SEPTIN6: variants seen among roughly 807,000 people sequenced by gnomAD.
SEPTIN6 encodes septin 6.
A neutral mutation model predicts 33.6 loss-of-function variants in SEPTIN6; 8 were observed. The ratio of observed to expected loss-of-function variants is 0.24; its 90% confidence interval spans 0.14 to 0.43. SEPTIN6 has a LOEUF of 0.43. Among genes scored for constraint, SEPTIN6 ranks in the 20% least tolerant of loss-of-function variants. SEPTIN6 has a pLI of 1.00. For missense variants in SEPTIN6, 250 were observed against 340.8 expected (o/e 0.73, Z 2.10); for synonymous variants, 131 against 140.0 (o/e 0.94, Z 0.45).
intron 2 of SEPTIN6, among the ~76,000 whole-genome samples, chrX:119,674,761 C>A (rs1356304002): frequency 8.9e-6 from 1 of 112,006 alleles, no homozygotes; most frequent in East Asian, 2.8e-4. Flanking sequence ...TGGTAATGTC[C>A]AAAAGAGCTA....
intron 1 of SEPTIN6, among the ~76,000 whole-genome samples, chrX:119,683,131 T>TCA (rs2054993890): frequency 8.9e-6 from 1 of 112,275 alleles, no homozygotes; most frequent in Non-Finnish European, 1.9e-5. Flanking sequence ...CTCATGCCTG[T>TCA]AGTCCCAGCC....
chrX:119,638,035 G>T (rs1204187064), intron 6 of SEPTIN6, among the ~76,000 whole-genome samples: 3 of 111,801 alleles, frequency 2.7e-5, no homozygotes, highest in Non-Finnish European at 5.6e-5. Flanking sequence ...TATGTAGCTA[G>T]TAAGTTGCAG....
chrX:119,670,835 G>A (rs1291816285), intron 2 of SEPTIN6, among the ~76,000 whole-genome samples: 1 of 108,936 alleles, frequency 9.2e-6, no homozygotes, highest in Non-Finnish European at 1.9e-5. Flanking sequence ...CTACTCAGGA[G>A]GCTGAGGCAG....
intron 8 of SEPTIN6, 65 bp downstream of exon 8, chrX:119,633,295 T>C (rs2053999952): frequency 9.4e-7 from 1 of 1,068,559 alleles, no homozygotes; most frequent in Non-Finnish European, 1.3e-6. Context: ...CGTTCCTATT[T>C]TTCCACAGTC....
intron 1 of SEPTIN6, among the ~76,000 whole-genome samples, chrX:119,684,434 G>A (rs964734415): frequency 2.8e-5 from 3 of 107,968 alleles, no homozygotes; most frequent in Non-Finnish European, 5.7e-5. Flanking sequence ...CAAGGATGCC[G>A]CTGTATTATG....
chrX:119,664,700 G>C (rs1261856749), intron 2 of SEPTIN6, among the ~76,000 whole-genome samples: 1 of 107,894 alleles, frequency 9.3e-6, no homozygotes, highest in East Asian at 2.9e-4. Context: ...ATTTAGCCAG[G>C]CATGGTGGCA....
intron 8 of SEPTIN6, among the ~76,000 whole-genome samples, chrX:119,631,226 G>A (rs2053954297): frequency 2.0e-5 from 2 of 101,006 alleles, no homozygotes; most frequent in South Asian, 9.4e-4. Context: ...TGTCGCCCAA[G>A]CTGGAGTGCA....
chrX:119,618,386 G>A lies in SEPTIN6; in HGVS notation c.*1707C>T. ...GTCAACAAGAAAAGTGCGTGCATAT[G>A]TTTGCTTTTCATTTTTTTCTTTTTG... On this transcript the variant is annotated 3_prime_UTR_variant, in exon 11 of 11. Transcript: ENST00000394610. The A allele has an allele frequency of 1.2e-6, 1 of 830,076 alleles. No individual in the cohort carries two copies. The highest frequency in any genetic ancestry group is 1.5e-6 in the Non-Finnish European group (1 of 687,295). The allele number at this position is 830,076 out of a possible 1,213,427, so 68.4% of individuals were successfully genotyped here. A position where few individuals can be genotyped will look rare whatever the true frequency, so the allele number is the denominator to read the frequency against.
chrX:119,682,051 A>AG, intron 1 of SEPTIN6, among the ~76,000 whole-genome samples: 1 of 111,777 alleles, frequency 8.9e-6, no homozygotes, highest in Middle Eastern at 4.6e-3. Flanking sequence ...AAGAAAGAAA[A>AG]AAAAAAGAAA....
At chrX:119,680,725 G>A (rs1157091998) in intron 1 of SEPTIN6, among the ~76,000 whole-genome samples, 1 of 109,429 alleles carries the variant, frequency 9.1e-6, no homozygotes, top group African/African-American at 3.3e-5. Context: ...GCTCACGCCT[G>A]TAATCCCAGC....
At chrX:119,628,689 G>A (rs917204355) in intron 9 of SEPTIN6, 3 of 111,147 alleles carry the variant, frequency 2.7e-5, no homozygotes, top group African/African-American at 9.8e-5. Flanking sequence ...TGTATTTTTA[G>A]TAGAGATGGG....
chrX:119,686,687 G>A (rs2055061952), intron 1 of SEPTIN6: 1 of 726,191 alleles, frequency 1.4e-6, no homozygotes, highest in Non-Finnish European at 1.9e-6. Context: ...TTTATTCTGC[G>A]CCCCCCACTC....
intron 10 of SEPTIN6, among the ~76,000 whole-genome samples, chrX:119,620,984 C>T (rs771470238): frequency 4.2e-5 from 4 of 96,117 alleles, no homozygotes; most frequent in Non-Finnish European, 8.3e-5. Context: ...AGCACCACCA[C>T]CCACCCCCAG....
intron 4 of SEPTIN6, 22 bp downstream of exon 4, chrX:119,652,831 GC>G: frequency 8.4e-7 from 1 of 1,188,282 alleles, no homozygotes; most frequent in Non-Finnish European, 1.1e-6. Flanking sequence ...AGCCCCCAGC[GC>G]CCCCGCCCCT....
At chrX:119,654,396 T>C (rs1207612018) in intron 3 of SEPTIN6, among the ~76,000 whole-genome samples, 1 of 111,532 alleles carries the variant, frequency 9.0e-6, no homozygotes, top group Admixed American at 9.5e-5. Flanking sequence ...CCCCTGTCTG[T>C]CTGCTGCCTC....
chrX:119,636,959 G>T (rs2054071152), intron 7 of SEPTIN6, 68 bp downstream of exon 7: 1 of 1,130,983 alleles, frequency 8.8e-7, no homozygotes, highest in Non-Finnish European at 1.2e-6. Flanking sequence ...CCAGGGGAAG[G>T]CTTCCACACC....
chrX:119,634,600 T>C (rs988332147), intron 7 of SEPTIN6, among the ~76,000 whole-genome samples: 3 of 111,058 alleles, frequency 2.7e-5, no homozygotes, highest in African/African-American at 9.8e-5. Flanking sequence ...ATTGGATATG[T>C]ACACACTGCA....
intron 1 of SEPTIN6, among the ~76,000 whole-genome samples, chrX:119,688,500 A>G (rs1269248293): frequency 9.0e-6 from 1 of 111,026 alleles, no homozygotes; most frequent in Non-Finnish European, 1.9e-5. Context: ...CGAGGTCAGG[A>G]GTTCGAGACC....
At chrX:119,661,229 A>T (rs2054536471) in intron 3 of SEPTIN6, among the ~76,000 whole-genome samples, 1 of 104,571 alleles carries the variant, frequency 9.6e-6, no homozygotes, top group African/African-American at 3.5e-5. Context: ...ATTGAGACCA[A>T]CATGGCTAAC....
Sources: gnomAD v4.1 joint callset for allele counts (sites outside exome capture counted in the v4.1 genomes callset) on GRCh38, gnomAD v4.1.1 for gene constraint, MANE v1.5 for transcripts, NCBI Gene and HGNC (gene_info 2026-07-23, HGNC 2026-07-21) for gene names.